The following ERAP1 variants were observed in gnomAD, a reference collection of about 807,000 sequenced individuals.
The protein encoded by ERAP1 is endoplasmic reticulum aminopeptidase 1.
Under a neutral mutation model 103.7 loss-of-function variants are expected in ERAP1, and 86 were observed. The observed-to-expected ratio is 0.83, with a 90% confidence interval of 0.70 to 0.99. The LOEUF is 0.99. Ranked by LOEUF, ERAP1 falls within the 50% of genes least tolerant of loss-of-function variation. The probability of loss-of-function intolerance (pLI) is 0.00; values close to 1 mark genes in which losing one functional copy is unlikely to be tolerated. For missense variants in ERAP1, 1,009 were observed against 1,128.4 expected, an observed-to-expected ratio of 0.89 and a Z score of 1.52; for synonymous variants, 398 against 402.4, an observed-to-expected ratio of 0.99 and a Z score of 0.13.
the ERAP1 span, among the ~76,000 whole-genome samples, chr5:96,906,159 C>T: frequency 6.7e-6 from 1 of 149,486 alleles, no homozygotes; most frequent in Non-Finnish European, 1.5e-5. Flanking sequence ...CAGAGCCATT[C>T]TCTTAACCAC....
At chr5:96,920,368 A>G in the ERAP1 span, among the ~76,000 whole-genome samples, 25 of 152,106 alleles carry the variant, frequency 1.6e-4, no homozygotes, top group South Asian at 4.4e-3. Context: ...ATATCAGTAC[A>G]TGCTACTGCT....
At chr5:96,924,983 C>A in the ERAP1 span, among the ~76,000 whole-genome samples, 1 of 152,118 alleles carries the variant, frequency 6.6e-6, no homozygotes, top group African/African-American at 2.4e-5. Flanking sequence ...TATAGGTAGG[C>A]CCATCATCCT....
chr5:96,887,073 G>GTA, the ERAP1 span, among the ~76,000 whole-genome samples: 12,838 of 86,044 alleles, frequency 0.15, 629 homozygotes, highest in East Asian at 0.25. Flanking sequence ...AATTTTCAAA[G>GTA]TATATATATA....
chr5:96,818,219 G>A, the ERAP1 span, among the ~76,000 whole-genome samples: 1 of 152,126 alleles, frequency 6.6e-6, no homozygotes, highest in Admixed American at 6.5e-5. Context: ...TGGTATATTT[G>A]GAATGTCTCC....
At chr5:96,893,900 T>G in the ERAP1 span, among the ~76,000 whole-genome samples, 1 of 152,202 alleles carries the variant, frequency 6.6e-6, no homozygotes, top group Non-Finnish European at 1.5e-5. Context: ...TTTCTGAACA[T>G]GCCAGGTTGT....
At chr5:96,935,815 A>G in the ERAP1 span, 1 of 326,744 alleles carries the variant, frequency 3.1e-6, no homozygotes, top group South Asian at 4.5e-5. Context: ...TGAGTGACTG[A>G]ACACCGTTCC....
chr5:96,834,048 A>T, the ERAP1 span, among the ~76,000 whole-genome samples: 1 of 152,232 alleles, frequency 6.6e-6, no homozygotes, highest in African/African-American at 2.4e-5. Flanking sequence ...TGAAAAACTG[A>T]CACTTAAAAT....
At chr5:96,892,503 T>C in the ERAP1 span, 3 of 1,601,190 alleles carry the variant, frequency 1.9e-6, no homozygotes, top group Non-Finnish European at 2.6e-6. Context: ...AATAACATTA[T>C]ATAGAACACG....
chr5:96,769,379 A>C lies in ERAP1; in HGVS notation c.2819-6151T>G, dbSNP rs542453859. ...GTTCATTTCTCTCCCATAACACTGA[A>C]AACAGGGTTTTTTTTTGTTTTTTTT... is the stretch of plus-strand genomic sequence containing the variant. On this transcript the variant is annotated intron_variant, in intron 19 of 19. Transcript: ENST00000296754. 1.2e-4 allele frequency: 18 copies of C among 148,910 alleles called. No homozygotes were observed. In the South Asian group the frequency reaches 3.9e-3, roughly 32 times the overall value. 9.2% of individuals were successfully genotyped at this position (148,910 alleles called of 1,614,324 possible). A position where few individuals can be genotyped will look rare whatever the true frequency, so the allele number is the denominator to read the frequency against.
chr5:96,862,353 T>C, the ERAP1 span, among the ~76,000 whole-genome samples: 1 of 152,208 alleles, frequency 6.6e-6, no homozygotes, highest in Non-Finnish European at 1.5e-5. Context: ...GCTACCCAAG[T>C]GCCATCTCAA....
the ERAP1 span, chr5:96,892,517 A>T: frequency 6.4e-7 from 1 of 1,572,650 alleles, no homozygotes. Flanking sequence ...GAACACGACC[A>T]ATCTTCCTGA....
At chr5:96,801,851 C>A (rs13178387) in intron 2 of ERAP1, among the ~76,000 whole-genome samples, 17,914 of 57,600 alleles carry the variant, frequency 0.31, 1,087 homozygotes, top group Non-Finnish European at 0.36. Context: ...GACTCCGTCT[C>A]GACAAAAAAA....
the ERAP1 span, chr5:96,896,722 T>C: frequency 6.4e-7 from 1 of 1,562,140 alleles, no homozygotes; most frequent in Non-Finnish European, 8.6e-7. Flanking sequence ...TCTTTTGTTT[T>C]TTTTTAAAGG....
chr5:96,933,767 A>G, the ERAP1 span, among the ~76,000 whole-genome samples: 1 of 152,346 alleles, frequency 6.6e-6, no homozygotes, highest in East Asian at 1.9e-4. Flanking sequence ...ATGACCTAAA[A>G]TATAGAGAAG....
At chr5:96,783,324 G>T in intron 14 of ERAP1, 89 bp from the exon 15 acceptor site, 2 of 1,246,396 alleles carry the variant, frequency 1.6e-6, no homozygotes, top group Non-Finnish European at 2.2e-6. Flanking sequence ...GATGATGGGG[G>T]CTAATTTTTA....
the ERAP1 span, among the ~76,000 whole-genome samples, chr5:96,861,104 A>G: frequency 1.3e-5 from 2 of 152,114 alleles, no homozygotes; most frequent in South Asian, 4.1e-4. Flanking sequence ...AGCCTTCCTG[A>G]CAATTCTTTG....
chr5:96,777,822 CT>C (rs2150884233), intron 18 of ERAP1, among the ~76,000 whole-genome samples: 1 of 152,338 alleles, frequency 6.6e-6, no homozygotes, highest in South Asian at 2.1e-4. Context: ...TACTCTTACC[CT>C]TGTCCTGACC....
At chr5:96,845,522 C>G in the ERAP1 span, among the ~76,000 whole-genome samples, 1 of 151,940 alleles carries the variant, frequency 6.6e-6, no homozygotes, top group Admixed American at 6.6e-5. Context: ...GGTGGGGATC[C>G]ACACTGCCTG....
At chr5:96,874,136 G>GAGAGAAAGAAAGAAAGAAAGAAAGAA in the ERAP1 span, among the ~76,000 whole-genome samples, 1 of 118,784 alleles carries the variant, frequency 8.4e-6, no homozygotes, top group African/African-American at 3.1e-5. Flanking sequence ...GAAAGAGAGA[G>GAGAGAAAGAAAGAAAGAAAGAAAGAA]AGAAAGAAAG....
Sources: gnomAD v4.1 joint callset for allele counts (sites outside exome capture counted in the v4.1 genomes callset) on GRCh38, gnomAD v4.1.1 for gene constraint, MANE v1.5 for transcripts, NCBI Gene and HGNC (gene_info 2026-07-23, HGNC 2026-07-21) for gene names.